Variants in TMEM132B observed in about 807,000 individuals in gnomAD.
TMEM132B encodes the protein transmembrane protein 132B.
In TMEM132B, 18 loss-of-function variants were observed where a neutral mutation model predicts 90.8. That is an observed-to-expected ratio of 0.20 (90% CI 0.14 to 0.29). The LOEUF (loss-of-function observed/expected upper bound fraction) is 0.29, where lower values mean the gene tolerates loss of function less well. Ranked by LOEUF, TMEM132B falls within the 10% of genes least tolerant of loss-of-function variation. TMEM132B has a pLI of 1.00. For synonymous variants in TMEM132B, 504 were observed against 523.3 expected (o/e 0.96, Z 0.50); for missense variants, 1,096 against 1,326.8 (o/e 0.83, Z 2.70).
chr12:125,278,270 T>C (rs1274070956), intron 1 of TMEM132B, among the ~76,000 whole-genome samples: 4 of 152,206 alleles, frequency 2.6e-5, no homozygotes, highest in African/African-American at 9.6e-5. Flanking sequence ...TAGAAACCAT[T>C]TGGCCTGTAA....
chr12:125,339,893 T>C (rs1159374786), intron 1 of TMEM132B, among the ~76,000 whole-genome samples: 1 of 152,202 alleles, frequency 6.6e-6, no homozygotes, highest in Non-Finnish European at 1.5e-5. Context: ...CTTGAACGTA[T>C]GAATTTGGGA....
intron 4 of TMEM132B, among the ~76,000 whole-genome samples, chr12:125,571,143 G>A (rs1396516947): frequency 6.6e-6 from 1 of 152,142 alleles, no homozygotes; most frequent in Non-Finnish European, 1.5e-5. Flanking sequence ...TCCAAGTGAG[G>A]AGCTGAGAGG....
At chr12:125,218,770 T>TTTTG (rs1491534432) in intron 1 of TMEM132B, among the ~76,000 whole-genome samples, 2 of 1,458 alleles carry the variant, frequency 1.4e-3, no homozygotes, top group Non-Finnish European at 4.2e-3. Flanking sequence ...GTTGAAGCTG[T>TTTTG]TTTTTTTTTT....
At chr12:125,518,170 T>C (rs1883216343) in intron 3 of TMEM132B, among the ~76,000 whole-genome samples, 1 of 152,186 alleles carries the variant, frequency 6.6e-6, no homozygotes. Context: ...GTGGCTGTAT[T>C]CCAGTGTTCC....
intron 1 of TMEM132B, among the ~76,000 whole-genome samples, chr12:125,215,594 T>G (rs767116481): frequency 5.6e-4 from 86 of 152,276 alleles, no homozygotes; most frequent in Non-Finnish European, 9.7e-4. Flanking sequence ...CAGGCTGGAG[T>G]GCAATGGCAC....
At chr12:125,523,091 G>A (rs1325726373) in intron 4 of TMEM132B, among the ~76,000 whole-genome samples, 1 of 152,278 alleles carries the variant, frequency 6.6e-6, no homozygotes, top group East Asian at 1.9e-4. Context: ...AAATGGTTAT[G>A]CCTACCATCA....
At chr12:125,649,839 T>C (rs1886860917) in intron 6 of TMEM132B, among the ~76,000 whole-genome samples, 1 of 152,070 alleles carries the variant, frequency 6.6e-6, no homozygotes, top group African/African-American at 2.4e-5. Flanking sequence ...CAGGGTGGAT[T>C]GTGGACAGGT....
intron 1 of TMEM132B, among the ~76,000 whole-genome samples, chr12:125,233,895 G>A (rs1873876240): frequency 6.6e-6 from 1 of 152,160 alleles, no homozygotes; most frequent in Admixed American, 6.5e-5. Context: ...CATGGTGCTG[G>A]CCCATAGCAG....
At chr12:125,507,943 G>A (rs546956888) in intron 3 of TMEM132B, among the ~76,000 whole-genome samples, 8 of 152,264 alleles carry the variant, frequency 5.3e-5, no homozygotes, top group African/African-American at 1.9e-4. Flanking sequence ...GGCAAGAGAC[G>A]ATGGTGACTT....
chr12:125,268,388 T>C (rs905163967), intron 1 of TMEM132B, among the ~76,000 whole-genome samples: 65 of 152,360 alleles, frequency 4.3e-4, no homozygotes, highest in African/African-American at 1.6e-3. Flanking sequence ...AACCCTGCAG[T>C]AGCATAAGGC....
At chr12:125,535,861 A>C (rs929098542) in intron 4 of TMEM132B, among the ~76,000 whole-genome samples, 3 of 152,280 alleles carry the variant, frequency 2.0e-5, no homozygotes, top group Admixed American at 2.0e-4. Context: ...GTAAATTTCT[A>C]CCTGTCCAGG....
At chr12:125,644,398 C>G (rs186365570) in intron 6 of TMEM132B, 117 bp downstream of exon 6, 142 of 1,138,266 alleles carry the variant, frequency 1.2e-4, no homozygotes, top group Non-Finnish European at 1.6e-4. Flanking sequence ...CAGCGGGAAG[C>G]GTGGTCTGGG....
intron 7 of TMEM132B, among the ~76,000 whole-genome samples, chr12:125,651,996 C>A (rs1166436297): frequency 3.9e-5 from 6 of 152,098 alleles, no homozygotes; most frequent in Non-Finnish European, 5.9e-5. Flanking sequence ...CCCCTTCTGC[C>A]CCTAGCCAGG....
chr12:125,495,823 A>C (rs1312428088), intron 3 of TMEM132B, among the ~76,000 whole-genome samples: 2 of 152,218 alleles, frequency 1.3e-5, no homozygotes, highest in African/African-American at 4.8e-5. Flanking sequence ...GGATTAGTAC[A>C]TTTGGAATGA....
chr12:125,321,581 G>T (rs1422667340), intron 1 of TMEM132B, among the ~76,000 whole-genome samples: 1 of 151,214 alleles, frequency 6.6e-6, no homozygotes, highest in Admixed American at 6.6e-5. Flanking sequence ...AGGTTCAAGC[G>T]ATTCCTCTGC....
At chr12:125,575,220 C>A (rs1884915465) in intron 4 of TMEM132B, among the ~76,000 whole-genome samples, 1 of 150,796 alleles carries the variant, frequency 6.6e-6, no homozygotes, top group Non-Finnish European at 1.5e-5. Context: ...CACATTCTTG[C>A]CAGTCAACAC....
chr12:125,494,749 C>T (rs1267192437), intron 3 of TMEM132B, among the ~76,000 whole-genome samples: 1 of 135,094 alleles, frequency 7.4e-6, no homozygotes, highest in Admixed American at 7.3e-5. Context: ...GTCCCCTCCT[C>T]TCCCTCCTCC....
At chr12:125,455,304 G>A (rs190796106) in intron 3 of TMEM132B, among the ~76,000 whole-genome samples, 1 of 152,332 alleles carries the variant, frequency 6.6e-6, no homozygotes, top group Admixed American at 6.5e-5. Context: ...GAACCGAGGG[G>A]CTTAGTTCGA....
intron 5 of TMEM132B, among the ~76,000 whole-genome samples, chr12:125,638,016 T>C (rs1053953537): frequency 6.6e-6 from 1 of 152,190 alleles, no homozygotes; most frequent in Non-Finnish European, 1.5e-5. Context: ...CTCAATCTGG[T>C]TGATAAAAAG....
Sources: gnomAD v4.1 joint callset for allele counts (sites outside exome capture counted in the v4.1 genomes callset) on GRCh38, gnomAD v4.1.1 for gene constraint, MANE v1.5 for transcripts, NCBI Gene and HGNC (gene_info 2026-07-23, HGNC 2026-07-21) for gene names.